Variants in GNAO1 observed in about 807,000 individuals in gnomAD.
GNAO1 encodes the protein guanine nucleotide-binding protein G(o) subunit alpha.
For missense variants in GNAO1, 166 were observed against 478.7 expected, an observed-to-expected ratio of 0.35 and a Z score of 6.10; for synonymous variants, 164 against 180.7, an observed-to-expected ratio of 0.91 and a Z score of 0.74.
At chr16:56,316,727 G>A (rs1371440743) in intron 3 of GNAO1, among the ~76,000 whole-genome samples, 4 of 152,320 alleles carry the variant, frequency 2.6e-5, no homozygotes, top group African/African-American at 9.6e-5. Context: ...GACGCCCCTA[G>A]TGGACTGCAG....
chr16:56,323,245 G>A lies in GNAO1; in HGVS notation c.304-5386G>A, dbSNP rs7202986. Reference sequence around the variant, plus strand: ...AGGCCCCAAGGAGTCTGGAATGCGGGAATGATGGGCAGCTGTTGAAAGGAA... The same window carrying A: ...AGGCCCCAAGGAGTCTGGAATGCGGAAATGATGGGCAGCTGTTGAAAGGAA... On this transcript the variant is annotated intron_variant, in intron 3 of 8. Coordinates refer to ENST00000262493, the MANE Select transcript of GNAO1 (RefSeq NM_020988.3). Among the ~76,000 whole-genome samples the A allele has an allele frequency of 1.9e-3, 284 of 152,324 alleles. 3 individuals are homozygous for A. The highest frequency in any genetic ancestry group is 6.4e-3 in the African/African-American group (266 of 41,570).
At chr16:56,329,056 A>G in intron 4 of GNAO1, 1 of 451,588 alleles carries the variant, frequency 2.2e-6, no homozygotes, top group Admixed American at 3.7e-5. Flanking sequence ...GGACCTTGTC[A>G]CTGGCTTGTC....
chr16:56,308,647 C>T lies in GNAO1; in HGVS notation c.304-19984C>T, dbSNP rs9925983. Among the ~76,000 whole-genome samples the T allele has an allele frequency of 5.8e-3, 890 of 152,230 alleles. 11 individuals are homozygous for T. Among genetic ancestry groups the T allele is most frequent in the African/African-American group, 0.02 (838 of 41,548 alleles). ...CAAGAAGGGGTTTGAGGACTGAGTC[C>T]TTGGGAACATTGGCACCTAAATGTT... On this transcript the variant is annotated intron_variant, in intron 3 of 8. Transcript: ENST00000262493.
rs7189164 is a variant in GNAO1, at chr16:56,326,040, C to T, written c.304-2591C>T. Among the ~76,000 whole-genome samples the T allele has an allele frequency of 0.016, 2,393 of 152,310 alleles. 67 individuals are homozygous for T. Among genetic ancestry groups the T allele is most frequent in the African/African-American group, 0.055 (2,274 of 41,546 alleles). On this transcript the variant is annotated intron_variant, in intron 3 of 8. Coordinates refer to ENST00000262493, the MANE Select transcript of GNAO1 (RefSeq NM_020988.3). The surrounding 1 kb of genome is among the most constrained non-coding windows in gnomAD (Gnocchi z 4.8). ...CGACCCTCTTCCTTGCCTTGGCATC[C>T]CACACCTGGTTCCCAGGGCCTGGCA...
At chr16:56,303,109 G>A (rs1022161990) in intron 3 of GNAO1, among the ~76,000 whole-genome samples, 5 of 152,160 alleles carry the variant, frequency 3.3e-5, no homozygotes, top group African/African-American at 9.7e-5. Flanking sequence ...GGTGGAGAAG[G>A]GTCGCAGGAT....
intron 3 of GNAO1, among the ~76,000 whole-genome samples, chr16:56,306,099 G>A (rs767464508): frequency 2.6e-5 from 4 of 152,184 alleles, no homozygotes; most frequent in Admixed American, 6.5e-5. Flanking sequence ...TGCTGCAGCA[G>A]GCTGAGGAGC....
At chr16:56,266,991 A>C (rs2143498602) in intron 2 of GNAO1, among the ~76,000 whole-genome samples, 1 of 152,250 alleles carries the variant, frequency 6.6e-6, no homozygotes, top group East Asian at 1.9e-4. Context: ...CCTCTGGACC[A>C]CTGCAGACCA....
chr16:56,346,721 C>T, intron 6 of GNAO1: 1 of 985,742 alleles, frequency 1.0e-6, no homozygotes, highest in Non-Finnish European at 1.2e-6. Flanking sequence ...GCAGCTGTCT[C>T]CCAGGCCCTC....
intron 3 of GNAO1, among the ~76,000 whole-genome samples, chr16:56,280,127 T>C (rs576248564): frequency 6.6e-6 from 1 of 152,220 alleles, no homozygotes; most frequent in Admixed American, 6.5e-5. Context: ...TTCAAAGGCA[T>C]GTGAGTTGGA....
intron 2 of GNAO1, among the ~76,000 whole-genome samples, chr16:56,222,952 A>G (rs2036504488): frequency 6.6e-6 from 1 of 152,144 alleles, no homozygotes; most frequent in Admixed American, 6.5e-5. Flanking sequence ...TATCTGTGTT[A>G]TATACAGAGA....
At chr16:56,347,513 C>G (rs1475342324) in intron 6 of GNAO1, 1 of 985,360 alleles carries the variant, frequency 1.0e-6, no homozygotes, top group Non-Finnish European at 1.2e-6. Flanking sequence ...GGCCTCCAGA[C>G]AGACCCCACT....
Position 56,313,529 on chromosome 16 carries a change from C to T in GNAO1, c.304-15102C>T, listed in dbSNP as rs148824486. Among the ~76,000 whole-genome samples, 39 of 152,084 alleles carry T rather than the reference C, an allele frequency of 2.6e-4. 2 individuals carry two copies. In the East Asian group the frequency reaches 7.1e-3, roughly 28 times the overall value. ...ATGTCCAGCCTGATAGAAAATGGCT[C>T]GGTTCTCACACGTCTCTGCCTTCTC... On this transcript the variant is annotated intron_variant, in intron 3 of 8. Transcript: ENST00000262493.
chr16:56,289,032 AAGG>A (rs1596844446), intron 3 of GNAO1, among the ~76,000 whole-genome samples: 1 of 136,626 alleles, frequency 7.3e-6, no homozygotes, highest in East Asian at 2.0e-4. Context: ...GTATCCAAAA[AAGG>A]GGGGGGGAGC....
At chr16:56,327,201 G>A (rs2037642089) in intron 3 of GNAO1, among the ~76,000 whole-genome samples, 1 of 152,018 alleles carries the variant, frequency 6.6e-6, no homozygotes, top group Non-Finnish European at 1.5e-5. Flanking sequence ...CAGGCTCCCC[G>A]AGTCCTCTTC....
chr16:56,344,567 C>G (rs1203183941), intron 6 of GNAO1: 2 of 986,206 alleles, frequency 2.0e-6, no homozygotes, highest in Non-Finnish European at 2.4e-6. Flanking sequence ...TCCCAGAGAA[C>G]TCCCATCCCT....
In GNAO1 at chr16:56,203,797, T is replaced by C. The variant is rs1387067138; in HGVS notation, c.161+11181T>C. Among the ~76,000 whole-genome samples, 4 of 152,090 alleles carry C rather than the reference T, an allele frequency of 2.6e-5. No individual in the cohort carries two copies. In the East Asian group the frequency reaches 7.7e-4, roughly 29 times the overall value. ...ACTAGTATGAGCTAAAGTACAGAAG[T>C]AGGCCTGGAACATTCAGGACACCAC... On this transcript the variant is annotated intron_variant, in intron 2 of 8. Coordinates refer to ENST00000262493, the MANE Select transcript of GNAO1 (RefSeq NM_020988.3).
intron 2 of GNAO1, among the ~76,000 whole-genome samples, chr16:56,242,464 G>T (rs953877978): frequency 6.6e-6 from 1 of 152,118 alleles, no homozygotes; most frequent in Non-Finnish European, 1.5e-5. Flanking sequence ...ACTAGCAAAA[G>T]AATAGGCATC....
intron 3 of GNAO1, among the ~76,000 whole-genome samples, chr16:56,281,483 A>C (rs12924295): frequency 4.8e-5 from 7 of 147,334 alleles, no homozygotes; most frequent in African/African-American, 1.3e-4. Context: ...CCTCTCCTTC[A>C]CTCCTCCCTT....
At chr16:56,245,570 G>A (rs987298217) in intron 2 of GNAO1, 1 of 154,788 alleles carries the variant, frequency 6.5e-6, no homozygotes, top group Non-Finnish European at 1.5e-5. Context: ...ATGAAGGTAA[G>A]CATTTTTGTA....
Sources: allele counts gnomAD v4.1 joint callset (sites outside exome capture counted in the v4.1 genomes callset), GRCh38; gene constraint gnomAD v4.1.1; non-coding constraint Gnocchi (gnomAD v3.1); transcripts MANE v1.5; gene names NCBI Gene and HGNC (gene_info 2026-07-23, HGNC 2026-07-21).